Variants in RBFOX1 observed in about 807,000 individuals in gnomAD.
The protein encoded by RBFOX1 is RNA binding fox-1 homolog 1, also known as RNA binding protein fox-1 homolog 1.
Under a neutral mutation model 57.7 loss-of-function variants are expected in RBFOX1, and 8 were observed. The observed-to-expected ratio is 0.14, with a 90% confidence interval of 0.08 to 0.25. The LOEUF (loss-of-function observed/expected upper bound fraction) is 0.25, where lower values mean the gene tolerates loss of function less well. Among genes scored for constraint, RBFOX1 ranks in the 10% least tolerant of loss-of-function variants. The pLI, the probability that RBFOX1 is intolerant of heterozygous loss-of-function variation, is 1.00. For missense variants in RBFOX1, 611 were observed against 548.5 expected (o/e 1.11, Z -1.14); for synonymous variants, 326 against 222.4 (o/e 1.47, Z -4.15).
intron 4 of RBFOX1, among the ~76,000 whole-genome samples, chr16:7,274,639 A>G (rs1290402730): frequency 6.6e-6 from 1 of 150,948 alleles, no homozygotes; most frequent in Non-Finnish European, 1.5e-5. Context: ...GTTTTTATTT[A>G]TTTATTTATT....
intron 2 of RBFOX1, among the ~76,000 whole-genome samples, chr16:6,407,782 C>T (rs1047984797): frequency 2.0e-5 from 3 of 152,102 alleles, no homozygotes; most frequent in Non-Finnish European, 2.9e-5. Context: ...CATCAGGGAA[C>T]ACAAAAGAAA....
At chr16:7,153,629 A>T (rs1207843089) in intron 4 of RBFOX1, among the ~76,000 whole-genome samples, 1 of 151,220 alleles carries the variant, frequency 6.6e-6, no homozygotes, top group Non-Finnish European at 1.5e-5. Flanking sequence ...GGGCGCCTAT[A>T]ATTCCAGCTA....
intron 4 of RBFOX1, among the ~76,000 whole-genome samples, chr16:7,505,309 A>G (rs956568330): frequency 6.6e-6 from 1 of 151,812 alleles, no homozygotes; most frequent in African/African-American, 2.4e-5. Context: ...CCAGTTGGAG[A>G]TGGACACCAA....
chr16:6,974,264 A>G (rs774310767), intron 3 of RBFOX1, among the ~76,000 whole-genome samples: 2 of 150,916 alleles, frequency 1.3e-5, no homozygotes, highest in South Asian at 4.2e-4. Context: ...CATGTGGTAC[A>G]GTTTGAGTTG....
intron 4 of RBFOX1, among the ~76,000 whole-genome samples, chr16:7,203,423 C>T (rs1419513356): frequency 6.6e-6 from 1 of 152,086 alleles, no homozygotes; most frequent in Non-Finnish European, 1.5e-5. Flanking sequence ...TACACAGTTT[C>T]AGTATTACAA....
At chr16:6,382,067 G>C (rs913733986) in intron 2 of RBFOX1, among the ~76,000 whole-genome samples, 3 of 152,218 alleles carry the variant, frequency 2.0e-5, no homozygotes, top group Non-Finnish European at 2.9e-5. Context: ...AAGCTGCCTT[G>C]ATGATATGTA....
chr16:6,621,133 CTG>C (rs1346768261), intron 2 of RBFOX1, among the ~76,000 whole-genome samples: 1 of 152,178 alleles, frequency 6.6e-6, no homozygotes, highest in Non-Finnish European at 1.5e-5. Context: ...CTGGGTGTCT[CTG>C]TATTTTAAAT....
intron 3 of RBFOX1, among the ~76,000 whole-genome samples, chr16:6,804,243 C>T (rs1299160521): frequency 6.6e-6 from 1 of 151,754 alleles, no homozygotes; most frequent in African/African-American, 2.4e-5. Context: ...CTCCTGACCT[C>T]TTGATCCGCC....
chr16:5,877,969 C>A lies in RBFOX1; in HGVS notation c.351+10634C>A, dbSNP rs114256166. Among the ~76,000 whole-genome samples the A allele has an allele frequency of 9.6e-3, 1,467 of 152,294 alleles. 31 individuals carry two copies. The highest frequency in any genetic ancestry group is 0.032 in the African/African-American group (1,330 of 41,558). Reference sequence around the variant, plus strand: ...AATTTGGTCCAGTGTCTCGGCTCCACCTCCAGAGTTGAGTCCCACCTCCTA... The same window carrying A: ...AATTTGGTCCAGTGTCTCGGCTCCAACTCCAGAGTTGAGTCCCACCTCCTA... On this transcript the variant is annotated intron_variant, in intron 4 of 19. Coordinates refer to the RBFOX1 transcript ENST00000641259.
At chr16:6,599,772 C>G (rs538386632) in intron 2 of RBFOX1, among the ~76,000 whole-genome samples, 1 of 152,292 alleles carries the variant, frequency 6.6e-6, no homozygotes, top group South Asian at 2.1e-4. Context: ...GTGCGTGTAA[C>G]TTAATGCAAC....
intron 1 of RBFOX1, among the ~76,000 whole-genome samples, chr16:5,406,542 A>G (rs185468061): frequency 5.6e-4 from 84 of 151,284 alleles, no homozygotes; most frequent in African/African-American, 1.9e-3. Flanking sequence ...CTTATAATAA[A>G]TCTCTCCCTC....
At chr16:6,278,377 CAAAAAAAAAA>C (rs57523660) in intron 1 of RBFOX1, among the ~76,000 whole-genome samples, 353 of 27,892 alleles carry the variant, frequency 0.013, 1 homozygote, top group African/African-American at 0.044. Flanking sequence ...TAGGACTCAC[CAAAAAAAAAA>C]AAAAAAAAAA....
At chr16:5,590,816 G>T (rs2046983014) in intron 2 of RBFOX1, among the ~76,000 whole-genome samples, 1 of 152,148 alleles carries the variant, frequency 6.6e-6, no homozygotes, top group Non-Finnish European at 1.5e-5. Context: ...CTACCTCAGT[G>T]GTAAAATGCA....
intron 3 of RBFOX1, among the ~76,000 whole-genome samples, chr16:6,923,898 T>C (rs2075019241): frequency 6.6e-6 from 1 of 152,100 alleles, no homozygotes; most frequent in African/African-American, 2.4e-5. Flanking sequence ...AGGTCAGTTG[T>C]GGTGGCTGAC....
At position 6,450,813 on chromosome 16, in the gene RBFOX1, ATATACATATATATATATATATATGTG is replaced by A. The variant is rs2094589739; in HGVS notation, c.-64+133761_-64+133786del. ...TACATATATATATGTATATATATAT[ATATACATATATATATATATATATGTG>A]TATATATATATATATATATATATAT... On this transcript the variant is annotated intron_variant, in intron 2 of 15. Transcript: ENST00000550418. Among the ~76,000 whole-genome samples, 2 of 14,540 alleles carry A rather than the reference ATATACATATATATATATATATATGTG, an allele frequency of 1.4e-4. 1 individual carries two copies. Among genetic ancestry groups the A allele is most frequent in the African/African-American group, 9.3e-4 (2 of 2,156 alleles). The allele number at this position is 14,540 out of a possible 152,430, so 9.5% of individuals were successfully genotyped here. A position where few individuals can be genotyped will look rare whatever the true frequency, so the allele number is the denominator to read the frequency against.
rs1291366420 is a variant in RBFOX1, at chr16:6,050,366, G to A, written c.-127+30374G>A. On this transcript the variant is annotated intron_variant, in intron 1 of 15. Coordinates refer to ENST00000550418, the MANE Select transcript of RBFOX1 (RefSeq NM_018723.4). ...CCTTGTTGAAGAAAACAGATTGTTT[G>A]TCCTGCAGTATTTCTCACAGTCTGG... is the stretch of plus-strand genomic sequence containing the variant. Among the ~76,000 whole-genome samples, 5 of 152,250 alleles carry A rather than the reference G, an allele frequency of 3.3e-5. No individual in the cohort carries two copies. In the East Asian group the frequency reaches 7.7e-4, roughly 24 times the overall value.
chr16:6,129,145 A>T (rs541341301), intron 1 of RBFOX1, among the ~76,000 whole-genome samples: 2 of 152,350 alleles, frequency 1.3e-5, no homozygotes, highest in South Asian at 4.1e-4. Context: ...AATAAACAGG[A>T]TCATGTGACC....
intron 4 of RBFOX1, among the ~76,000 whole-genome samples, chr16:6,008,047 C>G (rs1006499927): frequency 6.6e-6 from 1 of 152,040 alleles, no homozygotes; most frequent in Admixed American, 6.6e-5. Context: ...CTACTGAAAA[C>G]ACAAAACATT....
At chr16:7,303,134 G>C (rs1268278824) in intron 4 of RBFOX1, among the ~76,000 whole-genome samples, 2 of 152,168 alleles carry the variant, frequency 1.3e-5, no homozygotes, top group East Asian at 3.9e-4. Flanking sequence ...TGATTTCCAC[G>C]CCAGCCTGGG....
Sources: allele counts gnomAD v4.1 joint callset (sites outside exome capture counted in the v4.1 genomes callset), GRCh38; gene constraint gnomAD v4.1.1; transcripts MANE v1.5; gene names NCBI Gene and HGNC (gene_info 2026-07-23, HGNC 2026-07-21).